Variants in RSBN1L observed in about 807,000 individuals in gnomAD.
RSBN1L encodes round spermatid basic protein 1 like, also known as lysine-specific demethylase RSBN1L.
Under a neutral mutation model 67.7 loss-of-function variants are expected in RSBN1L, and 30 were observed. That is an observed-to-expected ratio of 0.44 (90% CI 0.33 to 0.60). The LOEUF (loss-of-function observed/expected upper bound fraction) is 0.60. RSBN1L is among the 20% of genes least tolerant of loss of function. The probability of loss-of-function intolerance (pLI) is 0.02; values close to 1 mark genes in which losing one functional copy is unlikely to be tolerated. For missense variants in RSBN1L, 992 were observed against 1,031.7 expected, an observed-to-expected ratio of 0.96 and a Z score of 0.53; for synonymous variants, 433 against 387.0, an observed-to-expected ratio of 1.12 and a Z score of -1.39.
rs568809010 is a variant in RSBN1L at position 77,739,323 on chromosome 7, G to T, written c.703+2797G>T. On this transcript the variant is annotated intron_variant, in intron 2 of 7. Coordinates refer to ENST00000334955, the MANE Select transcript of RSBN1L (RefSeq NM_198467.3). ...GTTAATGATAATGTTGCAAGCTGTG[G>T]TATACACAGGTGTTGATGGATGATG... is the stretch of plus-strand genomic sequence containing the variant. Among the ~76,000 whole-genome samples, 38 of 152,220 alleles carry T rather than the reference G, an allele frequency of 2.5e-4. No individual in the cohort carries two copies. The South Asian group carries it at 7.9e-3, about 32-fold the overall frequency.
Position 77,749,508 on chromosome 7 carries a change from A to G in RSBN1L, c.788A>G (p.Asn263Ser), listed in dbSNP as rs772018334. The change falls in exon 3 of 8, where the codon AAT (asparagine) becomes AGT (serine). Residue 263 changes from asparagine to serine, a missense_variant. Around this residue, in one of 7 missense-constraint regions of RSBN1L, gnomAD observed 575 missense variants for 483.2 expected, o/e 1.19. Transcript: ENST00000334955. ...AAAAAGAAAAAGAAACACAAAGAGA[A>G]TGAAAAACGGAAGCGTCCGAAAATG... ...KKKKKKKHKE[N>S]EKRKRPKMYS... 1.4e-5 allele frequency: 23 copies of G among 1,606,240 alleles called. No homozygotes were observed. In the Admixed American group the frequency reaches 3.8e-4, roughly 26 times the overall value.
intron 1 of RSBN1L, among the ~76,000 whole-genome samples, chr7:77,730,126 T>C (rs1368700230): frequency 6.6e-6 from 1 of 152,162 alleles, no homozygotes; most frequent in African/African-American, 2.4e-5. Context: ...ACATTCCTTC[T>C]TTCTTCCGTT....
At chr7:77,707,162 T>TA (rs1380518222) in intron 1 of RSBN1L, among the ~76,000 whole-genome samples, 3 of 152,218 alleles carry the variant, frequency 2.0e-5, no homozygotes, top group South Asian at 2.1e-4. Flanking sequence ...TAGCTGGACT[T>TA]ACAGTTGTGT....
chr7:77,765,059 T>A (rs1791744289), intron 3 of RSBN1L, among the ~76,000 whole-genome samples: 1 of 152,198 alleles, frequency 6.6e-6, no homozygotes, highest in African/African-American at 2.4e-5. Flanking sequence ...AAGCCACTGT[T>A]GATGGTTAAA....
chr7:77,705,587 C>T (rs1235565625), intron 1 of RSBN1L, among the ~76,000 whole-genome samples: 1 of 144,808 alleles, frequency 6.9e-6, no homozygotes, highest in African/African-American at 2.6e-5. Flanking sequence ...TCTCGGCTCA[C>T]TGCAGCCTCT....
chr7:77,725,243 A>AATTTTTTTTTTTTTTTTTTTTT (rs1554338354), intron 1 of RSBN1L, among the ~76,000 whole-genome samples: 9 of 57,886 alleles, frequency 1.6e-4, no homozygotes, highest in African/African-American at 7.1e-4. Context: ...TAAGCCCCCC[A>AATTTTTTTTTTTTTTTTTTTTT]CTTTTTTTTT....
rs374387939 is a variant in RSBN1L at position 77,696,848 on chromosome 7, A to G, written c.379A>G (p.Lys127Glu). ...SASLSQPVPR[K>E]LLVPPTLLHA... ...TTCCTTGTCTCAGCCGGTGCCGCGC[A>G]AACTGCTGGTCCCTCCTACGCTGCT... The change falls in exon 1 of 8, where the codon AAA becomes GAA. Residue 127 changes from lysine to glutamate, a missense_variant. Lys to Glu is a moderately conservative substitution (Grantham distance 56). Around this residue, in one of 7 missense-constraint regions of RSBN1L, gnomAD observed 575 missense variants for 483.2 expected, o/e 1.19. Transcript: ENST00000334955. 5.0e-6 allele frequency: 8 copies of G among 1,612,702 alleles called. No individual in the cohort carries two copies. In the African/African-American group the frequency reaches 8.0e-5, roughly 16 times the overall value.
At chr7:77,745,294 G>T (rs1160788376) in intron 2 of RSBN1L, among the ~76,000 whole-genome samples, 1 of 151,344 alleles carries the variant, frequency 6.6e-6, no homozygotes, top group Non-Finnish European at 1.5e-5. Flanking sequence ...CTGAAAGGAA[G>T]ATAAGGGAAA....
intron 1 of RSBN1L, among the ~76,000 whole-genome samples, chr7:77,715,335 G>A (rs1157408348): frequency 6.6e-6 from 1 of 152,010 alleles, no homozygotes; most frequent in Non-Finnish European, 1.5e-5. Flanking sequence ...CTAGCAGTGG[G>A]ATATTTTGTG....
rs562521541 is a variant in RSBN1L at position 77,765,044 on chromosome 7, C to T, written c.1345-451C>T. On this transcript the variant is annotated intron_variant, in intron 3 of 7. Transcript: ENST00000334955. Reference sequence around the variant, plus strand: ...AGAGCATCCCTGGTGGCCTTTTAGTCATATAAGCCACTGTTGATGGTTAAA... The same window carrying T: ...AGAGCATCCCTGGTGGCCTTTTAGTTATATAAGCCACTGTTGATGGTTAAA... Among the ~76,000 whole-genome samples, 256 of 152,248 alleles carry T rather than the reference C, an allele frequency of 1.7e-3. 1 individual carries two copies. The highest frequency in any genetic ancestry group is 0.015 in the South Asian group (72 of 4,828).
intron 3 of RSBN1L, among the ~76,000 whole-genome samples, chr7:77,763,442 G>A (rs910859151): frequency 6.6e-6 from 1 of 152,182 alleles, no homozygotes; most frequent in Non-Finnish European, 1.5e-5. Flanking sequence ...CAGACTTGAT[G>A]TGTTCTATTC....
At chr7:77,722,251 A>G (rs1474542888) in intron 1 of RSBN1L, among the ~76,000 whole-genome samples, 1 of 152,040 alleles carries the variant, frequency 6.6e-6, no homozygotes. Context: ...TAATTTGGAG[A>G]TTAGTTTGCC....
chr7:77,715,453 C>T (rs1311538974), intron 1 of RSBN1L, among the ~76,000 whole-genome samples: 3 of 151,818 alleles, frequency 2.0e-5, no homozygotes, highest in South Asian at 2.1e-4. Flanking sequence ...TACAGATGCC[C>T]GCCACCACAC....
intron 3 of RSBN1L, among the ~76,000 whole-genome samples, chr7:77,756,769 ACTCCGTCT>A (rs1405579519): frequency 7.2e-5 from 11 of 152,176 alleles, no homozygotes; most frequent in Non-Finnish European, 1.5e-4. Context: ...ACAGAGTGAG[ACTCCGTCT>A]CAAAAGAAAA....
rs777136969 is a variant in RSBN1L, at chr7:77,696,748, T to C, written c.279T>C (p.Ala93=). Residue 93 remains alanine (A), a synonymous_variant, in exon 1 of 8, where the codon GCT becomes GCC. Transcript: ENST00000334955. The stretch of plus-strand genomic sequence containing the variant: ...CTTGGAGCTTTGCCCCTCTGTCTGC[T>C]GCTCCCTCCCCGTCCTCTTCTCGGA... ...PASWSFAPLS[A]APSPSSSRSS... 6 of 1,613,834 alleles carry C rather than the reference T, an allele frequency of 3.7e-6. No homozygotes were observed. Among genetic ancestry groups the C allele is most frequent in the Non-Finnish European group, 5.1e-6 (6 of 1,180,014 alleles).
chr7:77,721,816 G>T (rs1791123839), intron 1 of RSBN1L, among the ~76,000 whole-genome samples: 2 of 152,156 alleles, frequency 1.3e-5, no homozygotes, highest in Admixed American at 6.6e-5. Flanking sequence ...AGCTGAGTTG[G>T]TTTATTCATT....
rs1282290551 is a variant in RSBN1L at position 77,781,917 on chromosome 7, G to A, written c.*2749G>A. The A allele has an allele frequency of 4.1e-5, 6 of 145,940 alleles. No homozygotes were observed. The highest frequency in any genetic ancestry group is 5.2e-5 in the African/African-American group (2 of 38,820). The allele number at this position is 145,940 out of a possible 1,614,324, so 9.0% of individuals were successfully genotyped here. On this transcript the variant is annotated 3_prime_UTR_variant, in exon 8 of 8. Coordinates refer to ENST00000334955, the MANE Select transcript of RSBN1L (RefSeq NM_198467.3). ...GGGGAATTGCTTGAACCCGGGAGGA[G>A]AAGGTTGCAGTGAGCCGAGATCGCC...
At chr7:77,773,807 C>T (rs1217923110) in intron 6 of RSBN1L, among the ~76,000 whole-genome samples, 4 of 152,138 alleles carry the variant, frequency 2.6e-5, no homozygotes, top group African/African-American at 9.7e-5. Flanking sequence ...TAGGTTTCAT[C>T]ATTTGGGTTA....
intron 2 of RSBN1L, 120 bp from the exon 3 acceptor site, chr7:77,749,303 TA>T (rs1224743922): frequency 3.1e-5 from 23 of 749,632 alleles, no homozygotes; most frequent in Non-Finnish European, 4.6e-5. Context: ...AAATGAGTCC[TA>T]AATATATAAT....
Sources: gnomAD v4.1 joint callset for allele counts (sites outside exome capture counted in the v4.1 genomes callset) on GRCh38, gnomAD v4.1.1 for gene constraint, gnomAD v4.1.1 regional missense constraint, MANE v1.5 for transcripts, NCBI Gene and HGNC (gene_info 2026-07-23, HGNC 2026-07-21) for gene names.